PCDH11Y: variants seen among roughly 807,000 people sequenced by gnomAD.
PCDH11Y encodes the protein protocadherin-11 Y-linked.
For missense variants in PCDH11Y, 12 were observed against 224.8 expected (o/e 0.05, Z 6.05); for synonymous variants, 9 against 83.6 (o/e 0.11, Z 4.87).
At chrY:5,239,571 T>G in intron 2 of PCDH11Y, among the ~76,000 whole-genome samples, 1 of 32,661 alleles carries the variant, frequency 3.1e-5, no homozygotes, top group Non-Finnish European at 7.5e-5. Flanking sequence ...ACTTAAAGTA[T>G]AATAAAAATA....
chrY:5,728,299 G>T (rs2053600451), intron 4 of PCDH11Y, among the ~76,000 whole-genome samples: 4 of 32,631 alleles, frequency 1.2e-4, no homozygotes, highest in East Asian at 8.1e-4. Context: ...GAATTGCTGG[G>T]TTTTTTTTCT....
chrY:5,720,491 A>C (rs2053593772), intron 4 of PCDH11Y, among the ~76,000 whole-genome samples: 1 of 27,301 alleles, frequency 3.7e-5, no homozygotes, highest in South Asian at 9.7e-4. Flanking sequence ...TTAAAACGCT[A>C]ATACATTGCT....
chrY:5,104,003 C>CA (rs2052783453), downstream of PCDH11Y, among the ~76,000 whole-genome samples: 1 of 31,762 alleles, frequency 3.1e-5, no homozygotes, highest in African/African-American at 1.2e-4. Context: ...CATCATTTTC[C>CA]AAAAAACAAA....
intron 2 of PCDH11Y, among the ~76,000 whole-genome samples, chrY:5,238,865 C>T (rs76639279): frequency 3.0e-5 from 1 of 33,671 alleles, no homozygotes; most frequent in East Asian, 8.0e-4. Flanking sequence ...CAAATCAAAA[C>T]CACAATGAGA....
intron 4 of PCDH11Y, among the ~76,000 whole-genome samples, chrY:5,710,790 T>C: frequency 2.7e-4 from 9 of 33,175 alleles, no homozygotes; most frequent in African/African-American, 1.1e-3. Context: ...ACAAGCGGTC[T>C]GAGATGAATC....
chrY:5,726,622 G>A (rs2124714624), intron 4 of PCDH11Y, among the ~76,000 whole-genome samples: 1 of 33,018 alleles, frequency 3.0e-5, no homozygotes, highest in Non-Finnish European at 7.5e-5. Context: ...TGTTAAATGG[G>A]TGAATTTTAA....
At chrY:5,306,484 T>C in intron 2 of PCDH11Y, among the ~76,000 whole-genome samples, 1 of 33,304 alleles carries the variant, frequency 3.0e-5, no homozygotes, top group Non-Finnish European at 7.5e-5. Context: ...AAATACTGAA[T>C]GGAATGGCTT....
At chrY:5,326,642 G>T in intron 2 of PCDH11Y, among the ~76,000 whole-genome samples, 1 of 32,596 alleles carries the variant, frequency 3.1e-5, no homozygotes, top group Non-Finnish European at 7.5e-5. Context: ...TGGGGGTCAG[G>T]TGTGGTATCA....
chrY:5,414,651 A>C, intron 2 of PCDH11Y, among the ~76,000 whole-genome samples: 2 of 33,196 alleles, frequency 6.0e-5, no homozygotes, highest in Admixed American at 5.5e-4. Context: ...TGGCTTTTTG[A>C]GTTGCCAGAG....
At chrY:5,153,624 C>G in intron 2 of PCDH11Y, among the ~76,000 whole-genome samples, 1 of 31,371 alleles carries the variant, frequency 3.2e-5, no homozygotes, top group African/African-American at 1.2e-4. Context: ...TTGTAAGGCT[C>G]AAAGACTCAT....
intron 2 of PCDH11Y, among the ~76,000 whole-genome samples, chrY:5,407,658 A>G: frequency 3.0e-5 from 1 of 32,923 alleles, no homozygotes; most frequent in African/African-American, 1.2e-4. Context: ...TGAGGCCTGT[A>G]ATCCCAGCAC....
intron 2 of PCDH11Y, among the ~76,000 whole-genome samples, chrY:5,473,128 T>C: frequency 6.2e-5 from 2 of 32,101 alleles, no homozygotes; most frequent in Non-Finnish European, 1.5e-4. Context: ...CTCTTCTCTC[T>C]GATAACTTGT....
exon 2 of PCDH11Y, chrY:5,101,113 AATG>A (rs2052778718): frequency 5.3e-6 from 1 of 189,538 alleles, no homozygotes; most frequent in Non-Finnish European, 6.6e-6. Context: ...TCTAAATACT[AATG>A]ATATTGAGAA....
chrY:5,722,722 G>A (rs2053595893), intron 4 of PCDH11Y, among the ~76,000 whole-genome samples: 1 of 31,283 alleles, frequency 3.2e-5, no homozygotes, highest in Non-Finnish European at 7.9e-5. Flanking sequence ...ATATTGGTCA[G>A]AAATGAAAGT....
intron 2 of PCDH11Y, among the ~76,000 whole-genome samples, chrY:5,122,153 G>A: frequency 3.1e-5 from 1 of 32,646 alleles, no homozygotes; most frequent in African/African-American, 1.2e-4. Context: ...GTTTCCAATT[G>A]ACCTTAATCA....
intron 3 of PCDH11Y, among the ~76,000 whole-genome samples, chrY:5,536,266 TA>T (rs2053400331): frequency 3.1e-5 from 1 of 32,583 alleles, no homozygotes; most frequent in Non-Finnish European, 7.5e-5. Context: ...AGTAAGGTGG[TA>T]TTGCACTGTA....
chrY:5,591,466 T>TA (rs2053461555), intron 4 of PCDH11Y, among the ~76,000 whole-genome samples: 50 of 28,826 alleles, frequency 1.7e-3, no homozygotes, highest in African/African-American at 5.8e-3. Context: ...TTTCACTAAT[T>TA]AAAAAAAAAA....
chrY:5,740,594 C>A, exon 5 of PCDH11Y: 1 of 33,138 alleles, frequency 3.0e-5, no homozygotes, highest in Non-Finnish European at 7.4e-5. Context: ...TAAGCGTCCA[C>A]TAGGTCTGGC....
chrY:5,324,275 G>C, intron 2 of PCDH11Y, among the ~76,000 whole-genome samples: 5 of 32,686 alleles, frequency 1.5e-4, no homozygotes, highest in Non-Finnish European at 3.0e-4. Context: ...CAAAAATTTA[G>C]TTCAATTTTT....
Sources: allele counts gnomAD v4.1 joint callset (sites outside exome capture counted in the v4.1 genomes callset), GRCh38; gene constraint gnomAD v4.1.1; transcripts MANE v1.5; gene names NCBI Gene and HGNC (gene_info 2026-07-23, HGNC 2026-07-21).